ARHGEF6: variants seen among roughly 807,000 people sequenced by gnomAD.
ARHGEF6 encodes the protein Rac/Cdc42 guanine nucleotide exchange factor 6, also known as rho guanine nucleotide exchange factor 6.
A neutral mutation model predicts 70.3 loss-of-function variants in ARHGEF6; 9 were observed. That is an observed-to-expected ratio of 0.13 (90% CI 0.08 to 0.22). The LOEUF is 0.22. Ranked by LOEUF, ARHGEF6 falls within the 10% of genes least tolerant of loss-of-function variation. The pLI, the probability that ARHGEF6 is intolerant of heterozygous loss-of-function variation, is 1.00. For synonymous variants in ARHGEF6, 201 were observed against 207.8 expected (o/e 0.97, Z 0.28); for missense variants, 470 against 563.0 (o/e 0.83, Z 1.67).
intron 12 of ARHGEF6, among the ~76,000 whole-genome samples, chrX:136,684,841 T>C (rs1406468989): frequency 8.9e-6 from 1 of 111,998 alleles, no homozygotes; most frequent in African/African-American, 3.3e-5. Flanking sequence ...GGGGACTCCT[T>C]CTCACTTTCC....
In ARHGEF6 at chrX:136,780,862, G is replaced by A. The variant is rs762716148; in HGVS notation, c.21C>T (p.Ile7=). The change falls in exon 1 of 22, where the codon ATC becomes ATT. Residue 7 remains isoleucine, a synonymous_variant. Coordinates refer to ENST00000250617, the MANE Select transcript of ARHGEF6 (RefSeq NM_004840.3). MNPEEQ[I]VTWLISLGVL... is the part of the protein sequence containing the mutation. ...CTCCCAAAGATATAAGCCATGTCAC[G>A]ATTTGTTCTTCTGGATTCATTACTG... 19 of 1,209,445 alleles carry A rather than the reference G, an allele frequency of 1.6e-5. No individual in the cohort carries two copies. The highest frequency in any genetic ancestry group is 7.0e-5 in the African/African-American group (4 of 56,952).
At chrX:136,729,006 C>G (rs2076900607) in intron 6 of ARHGEF6, among the ~76,000 whole-genome samples, 1 of 28,936 alleles carries the variant, frequency 3.5e-5, no homozygotes, top group Non-Finnish European at 5.3e-5. Context: ...TTCATTCTCT[C>G]TCTCTCTCTC....
intron 2 of ARHGEF6, among the ~76,000 whole-genome samples, chrX:136,748,310 G>A (rs1469239988): frequency 2.7e-5 from 3 of 111,838 alleles, no homozygotes; most frequent in Admixed American, 1.9e-4. Flanking sequence ...CCTCTGGCCT[G>A]TCTAATACTA....
Position 136,745,272 on chromosome X carries a change from C to T in ARHGEF6, c.410G>A (p.Gly137Glu), listed in dbSNP as rs775679886. The T allele has an allele frequency of 2.5e-6, 3 of 1,209,938 alleles. No individual in the cohort carries two copies. Among genetic ancestry groups the T allele is most frequent in the Non-Finnish European group, 2.2e-6 (2 of 895,101 alleles). ...AANTSQTNPQ[G>E]AVSSTVSGLQ... ...CCCTGAAACTGTGCTAGAAACTGCT[C>T]CCTGTGGGTTTGTCTGAGAAGTATT... Residue 137 changes from glycine to glutamate, a missense_variant, in exon 4 of 22, where the codon GGA (glycine) becomes GAA (glutamate). Gly to Glu is a moderately conservative substitution (Grantham distance 98). Transcript: ENST00000250617.
At chrX:136,727,363 TTCTTTC>T (rs2076870341) in intron 6 of ARHGEF6, among the ~76,000 whole-genome samples, 1 of 65,608 alleles carries the variant, frequency 1.5e-5, no homozygotes, top group Non-Finnish European at 2.7e-5. Flanking sequence ...CTTTCTTTCT[TTCTTTC>T]TTTCTTTCTT....
rs778631533 is a variant in ARHGEF6 at position 136,668,527 on chromosome X, C to A, written c.2191-358G>T. Reference sequence around the variant, plus strand: ...CAGCCTGGTATTTCTTCTTCTTCTTCTTCTTCTTATTATTATTATTATTAT... The same window carrying A: ...CAGCCTGGTATTTCTTCTTCTTCTTATTCTTCTTATTATTATTATTATTAT... On this transcript the variant is annotated intron_variant, in intron 21 of 21. Transcript: ENST00000250617. 3.1e-3 allele frequency among the ~76,000 whole-genome samples: 308 copies of A among 100,535 alleles called. 4 individuals carry two copies. In the East Asian group the frequency reaches 0.037, roughly 12 times the overall value. 87.3% of individuals were successfully genotyped at this position (100,535 alleles called of 115,157 possible).
intron 9 of ARHGEF6, among the ~76,000 whole-genome samples, chrX:136,705,790 T>G (rs936988118): frequency 8.9e-6 from 1 of 112,482 alleles, no homozygotes; most frequent in Admixed American, 9.4e-5. Context: ...CAGGACTTAC[T>G]GCGTTCAACC....
chrX:136,726,020 A>G (rs753345114), intron 6 of ARHGEF6, among the ~76,000 whole-genome samples: 1 of 112,181 alleles, frequency 8.9e-6, no homozygotes, highest in Admixed American at 9.5e-5. Context: ...TAAAATGCAT[A>G]AACAATGGCT....
chrX:136,694,049 C>T (rs1189385812), intron 9 of ARHGEF6, among the ~76,000 whole-genome samples: 8 of 105,923 alleles, frequency 7.6e-5, no homozygotes, highest in Non-Finnish European at 3.8e-5. Context: ...TTTTTTTGTC[C>T]CCACTCCTTT....
chrX:136,674,637 A>C (rs750049919), intron 19 of ARHGEF6, among the ~76,000 whole-genome samples: 1 of 112,424 alleles, frequency 8.9e-6, no homozygotes, highest in South Asian at 3.7e-4. Flanking sequence ...TCTGCCTATA[A>C]GAAGAGATTA....
At chrX:136,746,044 C>G (rs759161189) in intron 3 of ARHGEF6, among the ~76,000 whole-genome samples, 32 of 112,132 alleles carry the variant, frequency 2.9e-4, no homozygotes, top group African/African-American at 1.0e-3. Context: ...TTCTTTTCCT[C>G]TCCATTTATT....
At chrX:136,697,506 A>C (rs1030777501) in intron 9 of ARHGEF6, among the ~76,000 whole-genome samples, 1 of 112,101 alleles carries the variant, frequency 8.9e-6, no homozygotes, top group African/African-American at 3.2e-5. Flanking sequence ...ATTAGAGCCA[A>C]TCAGCTGGAA....
intron 6 of ARHGEF6, among the ~76,000 whole-genome samples, chrX:136,729,011 T>C (rs1019852804): frequency 1.0e-3 from 61 of 59,935 alleles, no homozygotes; most frequent in Non-Finnish European, 1.5e-3. Context: ...TCTCTCTCTC[T>C]CTCTCTCTCT....
At chrX:136,701,417 G>T (rs1467516773) in intron 9 of ARHGEF6, among the ~76,000 whole-genome samples, 2 of 111,753 alleles carry the variant, frequency 1.8e-5, no homozygotes, top group Non-Finnish European at 3.8e-5. Context: ...ACAAGGATAA[G>T]AATTGTATCA....
rs760491951 is a variant in ARHGEF6, at chrX:136,747,547, C to T, written c.295G>A (p.Val99Ile). ...TTGACAGCTAAAAGAGTACTCAGTA[C>T]CTTGGAGAAATTGACCCCTGAATAA... ...DLYSGVNFSK[V>I]LSTLLAVNKA... Residue 99 changes from valine (V) to isoleucine (I), a missense_variant, in exon 3 of 22, where the codon GTA (valine) becomes ATA (isoleucine). By Grantham distance (29) the Val-to-Ile change is conservative. This residue lies in a region of ARHGEF6 where 379 missense variants were observed against 449.3 expected (regional missense o/e 0.84). Transcript: ENST00000250617. 2.5e-6 allele frequency: 3 copies of T among 1,209,084 alleles called. No individual in the cohort carries two copies. The highest frequency in any genetic ancestry group is 3.5e-5 in the South Asian group (2 of 56,872).
rs188395200 is a variant in ARHGEF6 at position 136,675,742 on chromosome X, G to A, written c.1946-646C>T. ...TCACCATGTTAGCCAGGATGGTCTCGATCTCCTGACCTTGTGATCTGCCCG... is the reference window on the plus strand; with the variant it reads ...TCACCATGTTAGCCAGGATGGTCTCAATCTCCTGACCTTGTGATCTGCCCG... On this transcript the variant is annotated intron_variant, in intron 18 of 21. Transcript: ENST00000250617. Among the ~76,000 whole-genome samples the A allele has an allele frequency of 4.8e-3, 528 of 109,781 alleles. 3 individuals are homozygous for A. Among genetic ancestry groups the A allele is most frequent in the African/African-American group, 0.017 (504 of 30,009 alleles).
At chrX:136,726,542 T>C (rs1374849087) in intron 6 of ARHGEF6, among the ~76,000 whole-genome samples, 1 of 111,530 alleles carries the variant, frequency 9.0e-6, no homozygotes, top group Non-Finnish European at 1.9e-5. Flanking sequence ...GGTAGATAGA[T>C]GAGTGAGAGA....
In ARHGEF6 at chrX:136,780,750, T is replaced by C. The variant is rs1181194857; in HGVS notation, c.133A>G (p.Ile45Val). ...LKNGVVLCKL[I>V]NRLMPGSVEK... ...ACAGAGCCAGGCATGAGTCTGTTGA[T>C]CAGTTTGCACAGAACTACCCCATTT... The change falls in exon 1 of 22, where the codon ATC becomes GTC. Residue 45 changes from isoleucine (I) to valine (V), a missense_variant. By Grantham distance (29) the Ile-to-Val change is conservative. Around this residue, in one of 3 missense-constraint regions of ARHGEF6, gnomAD observed 379 missense variants for 449.3 expected, o/e 0.84. Coordinates refer to ENST00000250617, the MANE Select transcript of ARHGEF6 (RefSeq NM_004840.3). 8.3e-7 allele frequency: 1 copy of C among 1,211,482 alleles called. No homozygotes were observed. Among genetic ancestry groups the C allele is most frequent in the Admixed American group, 2.2e-5 (1 of 46,018 alleles).
intron 2 of ARHGEF6, among the ~76,000 whole-genome samples, chrX:136,776,878 GATAAATAA>G (rs59514085): frequency 0.14 from 14,089 of 99,836 alleles, 1,808 homozygotes; most frequent in African/African-American, 0.41. Flanking sequence ...TAAATAAATA[GATAAATAA>G]ATAAATAAAT....
Sources: gnomAD v4.1 joint callset for allele counts (sites outside exome capture counted in the v4.1 genomes callset) on GRCh38, gnomAD v4.1.1 for gene constraint, gnomAD v4.1.1 regional missense constraint, MANE v1.5 for transcripts, NCBI Gene and HGNC (gene_info 2026-07-23, HGNC 2026-07-21) for gene names.